FRMPD2: variants seen among roughly 807,000 people sequenced by gnomAD.
FRMPD2 encodes FERM and PDZ domain-containing protein 2.
FRMPD2 carries 96 observed loss-of-function variants against 140.1 expected under a neutral mutation model. The ratio of observed to expected loss-of-function variants is 0.69; its 90% CI spans 0.58 to 0.81. The LOEUF (loss-of-function observed/expected upper bound fraction) is 0.81, where lower values mean the gene tolerates loss of function less well. Ranked by LOEUF, FRMPD2 falls within the 40% of genes least tolerant of loss-of-function variation. The pLI is 0.00. For synonymous variants in FRMPD2, 449 were observed against 547.6 expected (o/e 0.82, Z 2.52); for missense variants, 1,240 against 1,447.4 (o/e 0.86, Z 2.32).
chr10:48,184,744 C>G (rs1035830160), intron 19 of FRMPD2, 30 bp downstream of exon 19: 1 of 1,598,450 alleles, frequency 6.3e-7, no homozygotes, highest in Non-Finnish European at 8.6e-7. Context: ...TTTCTTAAAA[C>G]AGCATCTCTA....
At chr10:48,185,333 C>T (rs1056840752) in intron 18 of FRMPD2, among the ~76,000 whole-genome samples, 1 of 152,046 alleles carries the variant, frequency 6.6e-6, no homozygotes, top group Admixed American at 6.5e-5. Flanking sequence ...CTGCATTGTA[C>T]TTAGATGCAC....
intron 4 of FRMPD2, among the ~76,000 whole-genome samples, chr10:48,242,846 T>C (rs577833144): frequency 6.6e-6 from 1 of 152,348 alleles, no homozygotes; most frequent in South Asian, 2.1e-4. Flanking sequence ...TCAGCACAAA[T>C]GCTCAATCGT....
chr10:48,167,698 C>T (rs1434156510), intron 27 of FRMPD2, among the ~76,000 whole-genome samples: 2 of 151,342 alleles, frequency 1.3e-5, no homozygotes, highest in African/African-American at 2.4e-5. Context: ...TTGTATCTGT[C>T]AACTTGGCTA....
chr10:48,181,267 C>T (rs1387223189), intron 20 of FRMPD2, among the ~76,000 whole-genome samples: 1 of 152,298 alleles, frequency 6.6e-6, no homozygotes, highest in Non-Finnish European at 1.5e-5. Context: ...TTCATAAGGC[C>T]AGCTATCCCT....
At chr10:48,174,689 T>C (rs1173794646) in intron 24 of FRMPD2, among the ~76,000 whole-genome samples, 181 bp downstream of exon 24, 1 of 150,980 alleles carries the variant, frequency 6.6e-6, no homozygotes, top group Non-Finnish European at 1.5e-5. Context: ...TGCTATCTCC[T>C]GGGTTTCACA....
At chr10:48,253,308 G>A (rs1460443067) in intron 1 of FRMPD2, among the ~76,000 whole-genome samples, 5 of 152,148 alleles carry the variant, frequency 3.3e-5, no homozygotes. Flanking sequence ...ACTTCAAAAT[G>A]AATCATAGAT....
chr10:48,221,120 C>G (rs1161379949), intron 12 of FRMPD2, among the ~76,000 whole-genome samples: 1 of 152,180 alleles, frequency 6.6e-6, no homozygotes, highest in Admixed American at 6.5e-5. Context: ...AGTTATTATA[C>G]ATAAAAGATA....
intron 17 of FRMPD2, 77 bp downstream of exon 17, chr10:48,187,115 T>C: frequency 2.3e-6 from 2 of 853,114 alleles, no homozygotes; most frequent in Non-Finnish European, 3.7e-6. Flanking sequence ...CAAAAATAAG[T>C]GGTGGTAAAA....
Position 48,197,784 on chromosome 10 carries a change from T to G in FRMPD2, c.1954+3444A>C, listed in dbSNP as rs1588823518. On this transcript the variant is annotated intron_variant, in intron 15 of 28. Transcript: ENST00000374201. ...GAACCAAGTCTCTCTAGCACTGAAT[T>G]CCATGCTCTGGCTGGTTATGAAAGG... is the stretch of plus-strand genomic sequence containing the variant. 3.9e-5 allele frequency among the ~76,000 whole-genome samples: 6 copies of G among 152,286 alleles called. No homozygotes were observed. The South Asian group carries it at 1.2e-3, about 32-fold the overall frequency.
At chr10:48,268,855 A>G (rs1166761360) in intron 1 of FRMPD2, among the ~76,000 whole-genome samples, 2 of 152,234 alleles carry the variant, frequency 1.3e-5, no homozygotes, top group Non-Finnish European at 2.9e-5. Context: ...TGGGTTTGCC[A>G]TTGTGCTGTA....
upstream of FRMPD2, chr10:48,274,879 T>C (rs1457252018): frequency 3.5e-5 from 14 of 395,458 alleles, no homozygotes; most frequent in Non-Finnish European, 6.4e-5. Context: ...TCAAGTGGAT[T>C]AGGTGCCACT....
At chr10:48,174,150 C>T (rs1222778911) in intron 24 of FRMPD2, among the ~76,000 whole-genome samples, 2 of 152,066 alleles carry the variant, frequency 1.3e-5, no homozygotes, top group Admixed American at 1.3e-4. Context: ...GAACATTGCC[C>T]CAAGCTTGCT....
intron 1 of FRMPD2, 39 bp from the exon 2 acceptor site, chr10:48,251,730 G>T (rs750074194): frequency 6.2e-7 from 1 of 1,610,322 alleles, no homozygotes; most frequent in Non-Finnish European, 8.5e-7. Flanking sequence ...CCTCTGCAAT[G>T]TCCAGGAACA....
At chr10:48,268,256 A>C (rs1311827846) in intron 1 of FRMPD2, among the ~76,000 whole-genome samples, 2 of 152,216 alleles carry the variant, frequency 1.3e-5, no homozygotes, top group Non-Finnish European at 2.9e-5. Flanking sequence ...ATACAGAGAA[A>C]CTGGATCTCT....
intron 22 of FRMPD2, chr10:48,177,173 T>C (rs1281954554): frequency 6.6e-6 from 1 of 150,870 alleles, no homozygotes; most frequent in Non-Finnish European, 1.5e-5. Flanking sequence ...AGTGTTGTGA[T>C]CTCGGCTCAC....
intron 14 of FRMPD2, 130 bp from the exon 15 acceptor site, chr10:48,201,514 G>A (rs1839087144): frequency 1.5e-6 from 1 of 665,898 alleles, no homozygotes; most frequent in Admixed American, 2.7e-5. Context: ...CATGGCAGAT[G>A]CTGTCTGACT....
intron 22 of FRMPD2, 181 bp downstream of exon 22, chr10:48,177,866 A>G: frequency 2.0e-6 from 1 of 489,994 alleles, no homozygotes; most frequent in Non-Finnish European, 3.9e-6. Flanking sequence ...GAGGTTCCCC[A>G]GTACCTCTGT....
At chr10:48,248,740 C>T (rs1343100854) in intron 3 of FRMPD2, 1 of 225,962 alleles carries the variant, frequency 4.4e-6, no homozygotes, top group Admixed American at 5.7e-5. Context: ...AGCTTTTCAA[C>T]ACTTCTTTTT....
At chr10:48,233,361 G>A (rs1839898674) in intron 9 of FRMPD2, among the ~76,000 whole-genome samples, 1 of 152,206 alleles carries the variant, frequency 6.6e-6, no homozygotes, top group African/African-American at 2.4e-5. Flanking sequence ...AGTCACCTGA[G>A]AGGTGAGGAG....
Sources: gnomAD v4.1 joint callset for allele counts (sites outside exome capture counted in the v4.1 genomes callset) on GRCh38, gnomAD v4.1.1 for gene constraint, MANE v1.5 for transcripts, NCBI Gene and HGNC (gene_info 2026-07-23, HGNC 2026-07-21) for gene names.